NR3C2: variants seen among roughly 807,000 people sequenced by gnomAD.
NR3C2 encodes nuclear receptor subfamily 3 group C member 2, also known as mineralocorticoid receptor.
Under a neutral mutation model 86.4 loss-of-function variants are expected in NR3C2, and 15 were observed. The ratio of observed to expected loss-of-function variants is 0.17; its 90% confidence interval spans 0.12 to 0.27. The LOEUF (loss-of-function observed/expected upper bound fraction) is 0.27. NR3C2 is among the 10% of genes least tolerant of loss of function. The pLI is 1.00. For synonymous variants in NR3C2, 458 were observed against 450.5 expected (o/e 1.02, Z -0.21); for missense variants, 960 against 1,195.6 (o/e 0.80, Z 2.91).
At chr4:148,272,968 C>T (rs1266681586) in intron 2 of NR3C2, among the ~76,000 whole-genome samples, 1 of 152,074 alleles carries the variant, frequency 6.6e-6, no homozygotes, top group Non-Finnish European at 1.5e-5. Context: ...TGCAAGAAGG[C>T]AAGAAATAGT....
At chr4:148,103,794 G>A (rs1394790032) in intron 8 of NR3C2, among the ~76,000 whole-genome samples, 1 of 152,144 alleles carries the variant, frequency 6.6e-6, no homozygotes, top group East Asian at 1.9e-4. Flanking sequence ...CTACCTCTAC[G>A]CGGAGTTACA....
At chr4:148,176,556 T>TA (rs1735384650) in intron 4 of NR3C2, among the ~76,000 whole-genome samples, 2 of 152,226 alleles carry the variant, frequency 1.3e-5, no homozygotes, top group Admixed American at 1.3e-4. Flanking sequence ...GAGTTACAGA[T>TA]ATCACTTTGA....
At position 148,120,278 on chromosome 4, in the gene NR3C2, G is replaced by A; in HGVS notation, c.2521C>T (p.His841Tyr). ...PDLVFNEEKMHQSAMYELCQG... is the reference protein window; with the variant it reads ...PDLVFNEEKMYQSAMYELCQG... ...CATAGTTCATACATGGCAGACTGAT[G>A]CATCTTCTCTCTGCAAAGGAAAAGA... Residue 841 changes from histidine (H) to tyrosine (Y), a missense_variant, in exon 7 of 9, where the codon CAT (histidine) becomes TAT (tyrosine). By Grantham distance (83) the His-to-Tyr change is moderately conservative. This residue lies in a region of NR3C2 where 151 missense variants were observed against 296.3 expected (regional missense o/e 0.51). Coordinates refer to ENST00000358102, the MANE Select transcript of NR3C2 (RefSeq NM_000901.5). 1.9e-6 allele frequency: 3 copies of A among 1,614,100 alleles called. No homozygotes were observed. The highest frequency in any genetic ancestry group is 2.5e-6 in the Non-Finnish European group (3 of 1,179,964).
chr4:148,267,294 T>TTG (rs1554002893), intron 2 of NR3C2, among the ~76,000 whole-genome samples: 1 of 151,620 alleles, frequency 6.6e-6, no homozygotes, highest in Non-Finnish European at 1.5e-5. Flanking sequence ...TAATTTTTTT[T>TTG]TTTTTTAAAG....
At chr4:148,331,439 T>C (rs1261999958) in intron 2 of NR3C2, among the ~76,000 whole-genome samples, 1 of 152,158 alleles carries the variant, frequency 6.6e-6, no homozygotes, top group African/African-American at 2.4e-5. Flanking sequence ...AATATTACAT[T>C]TAATGGCCAA....
intron 2 of NR3C2, among the ~76,000 whole-genome samples, chr4:148,326,361 A>C (rs1236241025): frequency 6.6e-6 from 1 of 152,158 alleles, no homozygotes; most frequent in African/African-American, 2.4e-5. Flanking sequence ...AGATCATGCC[A>C]CTGCACTCCA....
At chr4:148,363,308 A>G (rs1384395597) in intron 2 of NR3C2, among the ~76,000 whole-genome samples, 1 of 152,142 alleles carries the variant, frequency 6.6e-6, no homozygotes, top group East Asian at 1.9e-4. Context: ...AAATATCCCA[A>G]GTCAAAGTCC....
intron 2 of NR3C2, among the ~76,000 whole-genome samples, chr4:148,335,443 C>G (rs962052143): frequency 6.6e-6 from 1 of 152,120 alleles, no homozygotes; most frequent in African/African-American, 2.4e-5. Flanking sequence ...GAGGCCACAT[C>G]CCAAGCAGGT....
At chr4:148,420,034 C>A (rs1302022378) in intron 2 of NR3C2, among the ~76,000 whole-genome samples, 2 of 152,188 alleles carry the variant, frequency 1.3e-5, no homozygotes, top group African/African-American at 4.8e-5. Flanking sequence ...TGGGTGAGAC[C>A]AAACCCCCAC....
chr4:148,235,391 A>G (rs1018722770), intron 3 of NR3C2, among the ~76,000 whole-genome samples: 1 of 151,908 alleles, frequency 6.6e-6, no homozygotes, highest in Non-Finnish European at 1.5e-5. Flanking sequence ...CGCTAACTGT[A>G]GAAGTGAGGT....
rs989521681 is a variant in NR3C2 at position 148,229,227 on chromosome 4, G to A, written c.1897+30751C>T. On this transcript the variant is annotated intron_variant, in intron 3 of 8. Transcript: ENST00000358102. The stretch of plus-strand genomic sequence containing the variant: ...CTTGGACAATAAAGTGGAACCACCC[G>A]AAATTCACGCCTTAGGCACTGGGAG... Among the ~76,000 whole-genome samples the A allele has an allele frequency of 5.9e-5, 9 of 152,152 alleles. 1 individual carries two copies. In the East Asian group the frequency reaches 9.7e-4, roughly 16 times the overall value.
intron 2 of NR3C2, among the ~76,000 whole-genome samples, chr4:148,412,041 C>T (rs1290477285): frequency 6.6e-6 from 1 of 152,170 alleles, no homozygotes; most frequent in African/African-American, 2.4e-5. Context: ...CTAATTGTGT[C>T]ATCCTGGCCA....
intron 2 of NR3C2, among the ~76,000 whole-genome samples, chr4:148,400,853 T>C (rs1218655569): frequency 6.6e-6 from 1 of 151,286 alleles, no homozygotes; most frequent in Non-Finnish European, 1.5e-5. Context: ...GCTTTAGCAA[T>C]TAACACAGAA....
intron 2 of NR3C2, among the ~76,000 whole-genome samples, chr4:148,383,952 GAAA>G (rs60506239): frequency 1.7e-5 from 2 of 120,196 alleles, no homozygotes; most frequent in Non-Finnish European, 1.7e-5. Flanking sequence ...TGTCTCAGGG[GAAA>G]AAAAAAAAAA....
intron 3 of NR3C2, among the ~76,000 whole-genome samples, chr4:148,251,555 A>G (rs17581311): frequency 0.5 from 75,581 of 152,068 alleles, 19,904 homozygotes; most frequent in African/African-American, 0.68. Flanking sequence ...AGCTAGTAGC[A>G]TTCAGCTTTG....
chr4:148,088,377 A>C (rs1415178085), intron 8 of NR3C2, among the ~76,000 whole-genome samples: 1 of 152,238 alleles, frequency 6.6e-6, no homozygotes, highest in Non-Finnish European at 1.5e-5. Context: ...ATATACCCAA[A>C]GGATTATAAA....
At chr4:148,172,881 A>C (rs1039891187) in intron 4 of NR3C2, among the ~76,000 whole-genome samples, 2 of 152,282 alleles carry the variant, frequency 1.3e-5, no homozygotes, top group Non-Finnish European at 2.9e-5. Flanking sequence ...GAAGTCATTA[A>C]AAGCTTTATA....
intron 2 of NR3C2, among the ~76,000 whole-genome samples, chr4:148,378,694 C>A (rs528716365): frequency 6.6e-6 from 1 of 152,200 alleles, no homozygotes; most frequent in Non-Finnish European, 1.5e-5. Flanking sequence ...ATGTCTGAGG[C>A]CTCCCCAGAA....
intron 8 of NR3C2, among the ~76,000 whole-genome samples, chr4:148,089,524 C>G (rs76408505): frequency 6.6e-6 from 1 of 152,224 alleles, no homozygotes; most frequent in African/African-American, 2.4e-5. Context: ...TGATTCTGTC[C>G]TTCCCAAACT....
Sources: allele counts gnomAD v4.1 joint callset (sites outside exome capture counted in the v4.1 genomes callset), GRCh38; gene constraint gnomAD v4.1.1; regional missense constraint gnomAD v4.1.1; transcripts MANE v1.5; gene names NCBI Gene and HGNC (gene_info 2026-07-23, HGNC 2026-07-21).